UBA52: variants seen among roughly 807,000 people sequenced by gnomAD.
The protein encoded by UBA52 is ubiquitin-ribosomal protein eL40 fusion protein.
UBA52 carries 1 observed loss-of-function variant against 15.3 expected under a neutral mutation model. The ratio of observed to expected loss-of-function variants is 0.07; its 90% CI spans 0.02 to 0.31. The LOEUF (loss-of-function observed/expected upper bound fraction) is 0.31, where lower values mean the gene tolerates loss of function less well. UBA52 is among the 10% of genes least tolerant of loss of function. UBA52 has a pLI of 1.00. For synonymous variants in UBA52, 50 were observed against 58.3 expected (o/e 0.86, Z 0.65); for missense variants, 87 against 168.0 (o/e 0.52, Z 2.66).
upstream of UBA52, chr19:18,568,544 C>G (rs1051429071): frequency 2.5e-6 from 4 of 1,613,868 alleles, no homozygotes; most frequent in Non-Finnish European, 3.4e-6. Context: ...TGAGCCCCGG[C>G]TTCGAGGACC....
At chr19:18,567,313 G>GGGGGCA (rs1271048233), upstream of UBA52, 1 of 886,028 alleles carries the variant, frequency 1.1e-6, no homozygotes, top group East Asian at 2.5e-5. Context: ...AACCTGGGGT[G>GGGGGCA]GGGGCAGGGT....
the UBA52 span, among the ~76,000 whole-genome samples, chr19:18,565,446 A>T: frequency 2.0e-5 from 3 of 151,998 alleles, no homozygotes; most frequent in African/African-American, 7.3e-5. Context: ...AGTAGTCAGG[A>T]TGGTCTCGAT....
At chr19:18,571,332 C>A (rs1049868793), upstream of UBA52, among the ~76,000 whole-genome samples, 8 of 128,858 alleles carry the variant, frequency 6.2e-5, no homozygotes, top group Admixed American at 5.3e-4. Context: ...AAAAAAAAAT[C>A]CTGAGTCCCG....
At chr19:18,572,058 C>T (rs1203805902) in intron 1 of UBA52, 149 bp downstream of exon 1, 2 of 152,214 alleles carry the variant, frequency 1.3e-5, no homozygotes, top group South Asian at 2.1e-4. Flanking sequence ...GAGCCCAGAC[C>T]GGGGCCCAGG....
At chr19:18,574,552 C>T (rs1045501172) in intron 3 of UBA52, among the ~76,000 whole-genome samples, 1 of 152,170 alleles carries the variant, frequency 6.6e-6, no homozygotes, top group Admixed American at 6.5e-5. Flanking sequence ...TGGTGCCCCG[C>T]CTAGACTTCA....
upstream of UBA52, among the ~76,000 whole-genome samples, chr19:18,570,933 C>A (rs1169775833): frequency 2.0e-5 from 3 of 151,464 alleles, no homozygotes; most frequent in Admixed American, 6.6e-5. Flanking sequence ...GTGATCCGCA[C>A]ATCTCGGCCT....
upstream of UBA52, chr19:18,567,463 C>T: frequency 4.2e-6 from 3 of 708,298 alleles, no homozygotes; most frequent in Non-Finnish European, 7.7e-6. Context: ...TGAGCCATCT[C>T]AGAACAGAGC....
chr19:18,572,715 G>A (rs1975561371), intron 1 of UBA52: 1 of 870,974 alleles, frequency 1.1e-6, no homozygotes, highest in Non-Finnish European at 1.4e-6. Context: ...TCGTGGTTTG[G>A]GGTCAAGGCA....
chr19:18,568,623 G>C (rs756539549), upstream of UBA52: 14 of 1,609,364 alleles, frequency 8.7e-6, no homozygotes, highest in Middle Eastern at 1.6e-4. Flanking sequence ...GGAGATGACG[G>C]GCGAATAGCC....
chr19:18,565,019 C>T, the UBA52 span: 1 of 1,589,746 alleles, frequency 6.3e-7, no homozygotes, highest in Middle Eastern at 1.7e-4. Flanking sequence ...TCCGCCGTAT[C>T]AGGTGGGTGC....
chr19:18,575,191 C>T lies in UBA52; in HGVS notation c.*41C>T, dbSNP rs747152964. ...GAAGGGCAGCCTCCTGCCCAGGCCCCGTGGCCCTGGAGCCTCAATAAAGTG... is the reference window on the plus strand; with the variant it reads ...GAAGGGCAGCCTCCTGCCCAGGCCCTGTGGCCCTGGAGCCTCAATAAAGTG... On this transcript the variant is annotated 3_prime_UTR_variant, in exon 5 of 5. Coordinates refer to ENST00000442744, the MANE Select transcript of UBA52 (RefSeq NM_001033930.3). 23 of 1,612,042 alleles carry T rather than the reference C, an allele frequency of 1.4e-5. No individual in the cohort carries two copies. In the East Asian group the frequency reaches 2.5e-4, roughly 17 times the overall value.
upstream of UBA52, among the ~76,000 whole-genome samples, chr19:18,570,328 G>T (rs1214823439): frequency 1.3e-5 from 2 of 151,742 alleles, no homozygotes; most frequent in Non-Finnish European, 2.9e-5. Context: ...CGAAGTAGCT[G>T]GGACTGCAGG....
At chr19:18,573,511 C>T (rs1975613503) in intron 2 of UBA52, 108 bp downstream of exon 2, 4 of 1,301,184 alleles carry the variant, frequency 3.1e-6, no homozygotes, top group Admixed American at 1.9e-5. Context: ...CTGTTTTGCC[C>T]TTGCTTCTCC....
Position 18,573,514 on chromosome 19 carries a change from G to C in UBA52, c.103+111G>C, listed in dbSNP as rs772126540. 2.7e-5 allele frequency: 35 copies of C among 1,288,308 alleles called. 1 individual carries two copies. The South Asian group carries it at 4.0e-4, about 15-fold the overall frequency. 79.8% of individuals were successfully genotyped at this position (1,288,308 alleles called of 1,614,324 possible). On this transcript the variant is annotated intron_variant, in intron 2 of 4. Coordinates refer to ENST00000442744, the MANE Select transcript of UBA52 (RefSeq NM_001033930.3). ...CTGACTTTAGATCTGTTTTGCCCTT[G>C]CTTCTCCATGTGATCTGAAGAACGT... is the stretch of plus-strand genomic sequence containing the variant.
At chr19:18,567,530 C>T (rs114778376), upstream of UBA52, among the ~76,000 whole-genome samples, 1,007 of 152,298 alleles carry the variant, frequency 6.6e-3, 9 homozygotes, top group African/African-American at 0.023. Flanking sequence ...GCCCCAGCTT[C>T]GAGGATCTGT....
At chr19:18,569,236 G>A (rs1975403026), upstream of UBA52, 1 of 153,086 alleles carries the variant, frequency 6.5e-6, no homozygotes. Flanking sequence ...GAACCTGAGG[G>A]GCCAGCAGGC....
chr19:18,575,813 C>G lies in UBA52; in HGVS notation c.*663C>G, dbSNP rs1429660319. 1.3e-5 allele frequency: 2 copies of G among 153,328 alleles called. No individual in the cohort carries two copies. Among genetic ancestry groups the G allele is most frequent in the South Asian group, 2.0e-4 (1 of 4,894 alleles). 9.5% of individuals were successfully genotyped at this position (153,328 alleles called of 1,614,324 possible). A position where few individuals can be genotyped will look rare whatever the true frequency, so the allele number is the denominator to read the frequency against. On this transcript the variant is annotated 3_prime_UTR_variant, in exon 5 of 5. Coordinates refer to ENST00000442744, the MANE Select transcript of UBA52 (RefSeq NM_001033930.3). Reference sequence around the variant, plus strand: ...CCAGGCTGGAGTGCAGTGGCGCAGTCTCGGCTTACTACAACCTCTGCCTCC... The same window carrying G: ...CCAGGCTGGAGTGCAGTGGCGCAGTGTCGGCTTACTACAACCTCTGCCTCC...
At chr19:18,575,013 G>C in intron 4 of UBA52, 41 bp downstream of exon 4, 1 of 1,614,202 alleles carries the variant, frequency 6.2e-7, no homozygotes, top group Middle Eastern at 1.6e-4. Flanking sequence ...GGGGGCTGCC[G>C]GAGTCGGGGT....
rs1409491592 is a variant in UBA52 at position 18,577,344 on chromosome 19, G to A, written c.*2194G>A. On this transcript the variant is annotated 3_prime_UTR_variant, in exon 5 of 5. Transcript: ENST00000442744. The stretch of plus-strand genomic sequence containing the variant: ...AATGGACAAAAAGAAAGAAAGGGGA[G>A]GGAGTAACAGGGATATGAGCTCTAG... 1 of 152,148 alleles carries A rather than the reference G, an allele frequency of 6.6e-6. No individual in the cohort carries two copies. Among genetic ancestry groups the A allele is most frequent in the East Asian group, 1.9e-4 (1 of 5,188 alleles). The allele number at this position is 152,148 out of a possible 1,614,324, so 9.4% of individuals were successfully genotyped here. A position where few individuals can be genotyped will look rare whatever the true frequency, so the allele number is the denominator to read the frequency against.
Sources: gnomAD v4.1 joint callset for allele counts (sites outside exome capture counted in the v4.1 genomes callset) on GRCh38, gnomAD v4.1.1 for gene constraint, MANE v1.5 for transcripts, NCBI Gene and HGNC (gene_info 2026-07-23, HGNC 2026-07-21) for gene names.